Variants in FAS observed in about 807,000 individuals in gnomAD.
FAS encodes tumor necrosis factor receptor superfamily member 6.
In FAS, 5 loss-of-function variants were observed where a neutral mutation model predicts 33.2. The observed-to-expected ratio is 0.15, with a 90% CI of 0.08 to 0.32. The LOEUF is 0.32. Among genes scored for constraint, FAS ranks in the 10% least tolerant of loss-of-function variants. The pLI is 1.00. For missense variants in FAS, 339 were observed against 386.0 expected (o/e 0.88, Z 1.02); for synonymous variants, 131 against 130.7 (o/e 1.00, Z -0.01).
intron 1 of FAS, among the ~76,000 whole-genome samples, chr10:89,002,243 G>A (rs1847969527): frequency 6.6e-6 from 1 of 152,178 alleles, no homozygotes; most frequent in Non-Finnish European, 1.5e-5. Context: ...CCAGATTTGG[G>A]CCAGAAGTCC....
Position 89,014,979 on chromosome 10 carries a change from T to A in FAS, c.*529T>A. On this transcript the variant is annotated 3_prime_UTR_variant, in exon 9 of 9. Coordinates refer to ENST00000652046, the MANE Select transcript of FAS (RefSeq NM_000043.6). Reference sequence around the variant, plus strand: ...TCATATTTATGTAAAGTATATGTATTTGAGTGCAGAATTTAAATAAGGCTC... The same window carrying A: ...TCATATTTATGTAAAGTATATGTATATGAGTGCAGAATTTAAATAAGGCTC... The A allele has an allele frequency of 1.9e-6, 1 of 533,530 alleles. No individual in the cohort carries two copies. The highest frequency in any genetic ancestry group is 3.6e-6 in the Non-Finnish European group (1 of 275,904). The allele number at this position is 533,530 out of a possible 1,614,324, so 33.0% of individuals were successfully genotyped here.
At chr10:88,993,892 C>T (rs1847421937) in intron 1 of FAS, among the ~76,000 whole-genome samples, 1 of 152,120 alleles carries the variant, frequency 6.6e-6, no homozygotes, top group Non-Finnish European at 1.5e-5. Flanking sequence ...TGAATTAAGA[C>T]ATTAGCAACC....
chr10:88,971,094 C>T (rs762409353), intron 1 of FAS, among the ~76,000 whole-genome samples: 10 of 152,152 alleles, frequency 6.6e-5, no homozygotes, highest in Non-Finnish European at 1.3e-4. Flanking sequence ...CGAATAATGG[C>T]GTCTGATTTT....
chr10:89,007,611 A>T, intron 2 of FAS, 89 bp from the exon 3 acceptor site: 6 of 1,468,152 alleles, frequency 4.1e-6, no homozygotes, highest in Non-Finnish European at 5.5e-6. Flanking sequence ...GTTTTAGAAG[A>T]GTTTTATTGT....
At position 89,015,954 on chromosome 10, in the gene FAS, T is replaced by G. The variant is rs1848789746; in HGVS notation, c.*1504T>G. 1 of 271,476 alleles carries G rather than the reference T, an allele frequency of 3.7e-6. No homozygotes were observed. 16.8% of individuals were successfully genotyped at this position (271,476 alleles called of 1,614,324 possible). A position where few individuals can be genotyped will look rare whatever the true frequency, so the allele number is the denominator to read the frequency against. Reference sequence around the variant, plus strand: ...TTAAATAATTATTTCCATAGGTTGCTATTGCCAAGAAGACCTCTTCCAAAC... The same window carrying G: ...TTAAATAATTATTTCCATAGGTTGCGATTGCCAAGAAGACCTCTTCCAAAC... On this transcript the variant is annotated 3_prime_UTR_variant, in exon 9 of 9. Coordinates refer to ENST00000652046, the MANE Select transcript of FAS (RefSeq NM_000043.6).
chr10:88,984,278 G>A (rs1353912876), upstream of FAS, among the ~76,000 whole-genome samples: 2 of 152,306 alleles, frequency 1.3e-5, no homozygotes, highest in Admixed American at 1.3e-4. Context: ...TAAGGCTGGT[G>A]TAGTCTCCTA....
intron 1 of FAS, among the ~76,000 whole-genome samples, chr10:88,998,884 G>T (rs1847758107): frequency 6.6e-6 from 1 of 152,122 alleles, no homozygotes; most frequent in African/African-American, 2.4e-5. Context: ...GGCCGGGCAT[G>T]GTGGCTCACG....
At chr10:89,004,399 T>C (rs2133479577) in intron 2 of FAS, among the ~76,000 whole-genome samples, 1 of 152,272 alleles carries the variant, frequency 6.6e-6, no homozygotes, top group Non-Finnish European at 1.5e-5. Context: ...AGTTTTAGGG[T>C]ACACATGCAC....
At chr10:89,001,085 C>T (rs1801295330) in intron 1 of FAS, among the ~76,000 whole-genome samples, 1 of 152,098 alleles carries the variant, frequency 6.6e-6, no homozygotes, top group African/African-American at 2.4e-5. Flanking sequence ...ACAACAAAAA[C>T]AAAGTAAAAC....
In FAS at chr10:89,010,682, C is replaced by G. The variant is rs2296600; in HGVS notation, c.506-71C>G. 0.4 allele frequency: 642,491 copies of G among 1,605,568 alleles called. 130,037 individuals are homozygous for G. The highest frequency in any genetic ancestry group is 0.49 in the East Asian group (21,770 of 44,796). ...AAGAAAAACCAATCACTCTTGATTA[C>G]TAGAAAGTCCTTTATTTAATCTTAA... On this transcript the variant is annotated intron_variant, in intron 5 of 8. Coordinates refer to ENST00000652046, the MANE Select transcript of FAS (RefSeq NM_000043.6).
chr10:88,996,330 G>T (rs1305261093), intron 1 of FAS, among the ~76,000 whole-genome samples: 1 of 151,832 alleles, frequency 6.6e-6, no homozygotes, highest in Non-Finnish European at 1.5e-5. Flanking sequence ...TAAAAATTGG[G>T]CCTATACTCA....
In FAS at chr10:88,975,587, G is replaced by C. The variant is rs1034900201; in HGVS notation, n.260+2240G>C. Among the ~76,000 whole-genome samples, 13 of 152,148 alleles carry C rather than the reference G, an allele frequency of 8.5e-5. 1 individual carries two copies. The highest frequency in any genetic ancestry group is 2.4e-4 in the African/African-American group (10 of 41,422). ...AATAAATGTGTGGGCTCTGGGCTTA[G>C]GAAAATGGGGCCCTGACTACTTTTC... On this transcript the variant is annotated intron_variant and non_coding_transcript_variant, in intron 2 of 3. Transcript: ENST00000688239.
intron 1 of FAS, among the ~76,000 whole-genome samples, chr10:88,964,661 C>A (rs935605548): frequency 1.3e-5 from 2 of 152,068 alleles, no homozygotes; most frequent in African/African-American, 4.8e-5. Context: ...TTTGTATCTA[C>A]TTCTCGATTG....
chr10:89,005,352 AT>A (rs1196485216), intron 2 of FAS, among the ~76,000 whole-genome samples: 1 of 152,148 alleles, frequency 6.6e-6, no homozygotes, highest in East Asian at 1.9e-4. Context: ...GTTATATTTT[AT>A]AAATTAAAAC....
rs1210558348 is a variant in FAS at position 89,015,206 on chromosome 10, A to C, written c.*756A>C. 1 of 534,824 alleles carries C rather than the reference A, an allele frequency of 1.9e-6. No individual in the cohort carries two copies. Among genetic ancestry groups the C allele is most frequent in the Non-Finnish European group, 3.6e-6 (1 of 276,698 alleles). The allele number at this position is 534,824 out of a possible 1,614,324, so 33.1% of individuals were successfully genotyped here. A position where few individuals can be genotyped will look rare whatever the true frequency, so the allele number is the denominator to read the frequency against. ...ATTACTAGAGCTTTGCCACCTCTCC[A>C]TTTTTGCCTTGGTGCTCATCTTAAT... On this transcript the variant is annotated 3_prime_UTR_variant, in exon 9 of 9. Coordinates refer to ENST00000652046, the MANE Select transcript of FAS (RefSeq NM_000043.6).
chr10:88,978,360 T>G (rs1388812446), intron 2 of FAS, among the ~76,000 whole-genome samples: 1 of 151,534 alleles, frequency 6.6e-6, no homozygotes, highest in African/African-American at 2.4e-5. Flanking sequence ...GTAACTAACC[T>G]GCATAATGTG....
At chr10:89,003,697 A>G (rs889098368) in intron 2 of FAS, among the ~76,000 whole-genome samples, 1 of 152,248 alleles carries the variant, frequency 6.6e-6, no homozygotes. Flanking sequence ...CAACAGGCAG[A>G]AACCAACAGC....
At chr10:89,001,833 TCTAA>T (rs1215490519) in intron 1 of FAS, among the ~76,000 whole-genome samples, 1 of 152,134 alleles carries the variant, frequency 6.6e-6, no homozygotes, top group African/African-American at 2.4e-5. Flanking sequence ...ACTTCCAGCT[TCTAA>T]CTATTTGTCT....
intron 2 of FAS, among the ~76,000 whole-genome samples, chr10:89,007,213 AC>A (rs1848276228): frequency 6.6e-6 from 1 of 152,216 alleles, no homozygotes. Flanking sequence ...GGCTTTTAAA[AC>A]TTCAAATGTT....
Sources: allele counts gnomAD v4.1 joint callset (sites outside exome capture counted in the v4.1 genomes callset), GRCh38; gene constraint gnomAD v4.1.1; transcripts MANE v1.5; gene names NCBI Gene and HGNC (gene_info 2026-07-23, HGNC 2026-07-21).